The following TACR3 variants were observed in gnomAD, a reference collection of about 807,000 sequenced individuals.
TACR3 encodes the protein neuromedin-K receptor.
TACR3 carries 34 observed loss-of-function variants against 35.0 expected under a neutral mutation model. The ratio of observed to expected loss-of-function variants is 0.97; its 90% CI spans 0.74 to 1.30. The LOEUF is 1.30. Ranked by LOEUF, TACR3 falls within the 50% of genes most tolerant of loss-of-function variation. The pLI is 0.00. For synonymous variants in TACR3, 233 were observed against 221.1 expected, an observed-to-expected ratio of 1.05 and a Z score of -0.48; for missense variants, 558 against 591.7, an observed-to-expected ratio of 0.94 and a Z score of 0.59.
intron 3 of TACR3, among the ~76,000 whole-genome samples, chr4:103,609,108 G>A (rs1578224977): frequency 6.6e-6 from 1 of 152,064 alleles, no homozygotes; most frequent in South Asian, 2.1e-4. Flanking sequence ...AATATGAAGT[G>A]TGTAATAGGG....
chr4:103,707,362 A>G (rs1183348977), intron 1 of TACR3, among the ~76,000 whole-genome samples: 1 of 152,246 alleles, frequency 6.6e-6, no homozygotes, highest in Non-Finnish European at 1.5e-5. Flanking sequence ...TGTCTACTTT[A>G]CAAATTTACT....
At chr4:103,708,735 C>G (rs184589989) in intron 1 of TACR3, among the ~76,000 whole-genome samples, 2 of 152,074 alleles carry the variant, frequency 1.3e-5, no homozygotes, top group African/African-American at 2.4e-5. Flanking sequence ...TTGAACCCAT[C>G]GCAAAGAAGC....
chr4:103,710,095 C>A (rs1349034630), intron 1 of TACR3, among the ~76,000 whole-genome samples: 1 of 152,128 alleles, frequency 6.6e-6, no homozygotes, highest in Non-Finnish European at 1.5e-5. Flanking sequence ...TTAGACAGAT[C>A]AACAAGACAG....
intron 3 of TACR3, among the ~76,000 whole-genome samples, chr4:103,632,310 T>C (rs1725084586): frequency 2.0e-5 from 3 of 151,994 alleles, no homozygotes. Context: ...ATAGGCTGAA[T>C]AAAGAAAATG....
chr4:103,589,586 A>C lies in TACR3; in HGVS notation c.*96T>G. The C allele has an allele frequency of 1.4e-6, 2 of 1,434,462 alleles. No homozygotes were observed. Among genetic ancestry groups the C allele is most frequent in the South Asian group, 1.2e-5 (1 of 85,272 alleles). 88.9% of individuals were successfully genotyped at this position (1,434,462 alleles called of 1,614,324 possible). A position where few individuals can be genotyped will look rare whatever the true frequency, so the allele number is the denominator to read the frequency against. On this transcript the variant is annotated 3_prime_UTR_variant, in exon 5 of 5. Transcript: ENST00000304883. Reference sequence around the variant, plus strand: ...TGCCTAAAAATTGCTTTCTGTTTCTAGAGGGTATATAGGACAGGACTGGTA... The same window carrying C: ...TGCCTAAAAATTGCTTTCTGTTTCTCGAGGGTATATAGGACAGGACTGGTA...
At chr4:103,612,430 C>A (rs979697576) in intron 3 of TACR3, among the ~76,000 whole-genome samples, 15 of 152,134 alleles carry the variant, frequency 9.9e-5, no homozygotes, top group African/African-American at 3.6e-4. Context: ...TTCAGCTTTT[C>A]CAGTGTAATT....
At chr4:103,622,589 C>T (rs562641712) in intron 3 of TACR3, among the ~76,000 whole-genome samples, 2 of 152,120 alleles carry the variant, frequency 1.3e-5, no homozygotes, top group South Asian at 2.1e-4. Flanking sequence ...ATTAGCCAGG[C>T]GTGGCAGCGT....
chr4:103,692,942 C>T (rs1432010510), intron 1 of TACR3, among the ~76,000 whole-genome samples: 1 of 152,166 alleles, frequency 6.6e-6, no homozygotes, highest in Non-Finnish European at 1.5e-5. Context: ...CAGTGGATTA[C>T]TCTCATCCTG....
At chr4:103,653,494 A>T (rs953116238) in intron 3 of TACR3, among the ~76,000 whole-genome samples, 1 of 149,628 alleles carries the variant, frequency 6.7e-6, no homozygotes, top group Non-Finnish European at 1.5e-5. Flanking sequence ...TGAAATGTTT[A>T]AAAAAAAAGC....
chr4:103,594,334 C>T (rs993860742), intron 3 of TACR3, among the ~76,000 whole-genome samples: 7 of 151,958 alleles, frequency 4.6e-5, no homozygotes, highest in African/African-American at 1.7e-4. Flanking sequence ...CGTGCCACCA[C>T]GCCTGGCTAA....
chr4:103,682,628 A>G (rs1001620944), intron 1 of TACR3, among the ~76,000 whole-genome samples: 6 of 152,120 alleles, frequency 3.9e-5, no homozygotes, highest in African/African-American at 1.4e-4. Context: ...ACACAGAGCC[A>G]AACCGTATCA....
intron 3 of TACR3, among the ~76,000 whole-genome samples, chr4:103,606,896 T>C (rs535502801): frequency 1.8e-4 from 27 of 152,306 alleles, no homozygotes; most frequent in Admixed American, 1.3e-3. Flanking sequence ...CCCTGTCTTG[T>C]GCCAGTTTTC....
chr4:103,639,527 C>G (rs1194117312), intron 3 of TACR3, among the ~76,000 whole-genome samples: 1 of 151,848 alleles, frequency 6.6e-6, no homozygotes, highest in Non-Finnish European at 1.5e-5. Context: ...ACCAACATGG[C>G]ACATGTATAC....
intron 3 of TACR3, among the ~76,000 whole-genome samples, chr4:103,650,674 ATAT>A (rs1262765064): frequency 2.2e-3 from 29 of 13,142 alleles, no homozygotes; most frequent in African/African-American, 4.1e-3. Flanking sequence ...AAATAAATAT[ATAT>A]TATATCATAT....
In TACR3 at chr4:103,635,509, A is replaced by C. The variant is rs3796969; in HGVS notation, c.888+20685T>G. Among the ~76,000 whole-genome samples, 61 of 151,864 alleles carry C rather than the reference A, an allele frequency of 4.0e-4. No individual in the cohort carries two copies. The South Asian group carries it at 1.0e-2, about 25-fold the overall frequency. ...ATGAAGGATTCTTCTAAGCCTTCCCATGCTTAATATAAAGTGGGTTGCTTT... is the reference window on the plus strand; with the variant it reads ...ATGAAGGATTCTTCTAAGCCTTCCCCTGCTTAATATAAAGTGGGTTGCTTT... On this transcript the variant is annotated intron_variant, in intron 3 of 4. Transcript: ENST00000304883.
At chr4:103,617,959 T>C (rs777070364) in intron 3 of TACR3, among the ~76,000 whole-genome samples, 25 of 152,116 alleles carry the variant, frequency 1.6e-4, no homozygotes, top group Non-Finnish European at 3.5e-4. Flanking sequence ...ATGATGCTTG[T>C]AGATAGAGAA....
Position 103,586,809 on chromosome 4 carries a change from A to G in TACR3, c.*2873T>C, listed in dbSNP as rs549012753. 3.9e-5 allele frequency: 6 copies of G among 152,170 alleles called. No homozygotes were observed. In the East Asian group the frequency reaches 7.7e-4, roughly 20 times the overall value. The allele number at this position is 152,170 out of a possible 1,614,324, so 9.4% of individuals were successfully genotyped here. A position where few individuals can be genotyped will look rare whatever the true frequency, so the allele number is the denominator to read the frequency against. ...CTGTAACAATTATGTCCGCTTTAAT[A>G]TTTTCCCATACAGGTAATTTCAATA... On this transcript the variant is annotated 3_prime_UTR_variant, in exon 5 of 5. Coordinates refer to ENST00000304883, the MANE Select transcript of TACR3 (RefSeq NM_001059.3).
intron 3 of TACR3, among the ~76,000 whole-genome samples, chr4:103,617,732 GT>G (rs2110301681): frequency 6.6e-6 from 1 of 152,170 alleles, no homozygotes; most frequent in South Asian, 2.1e-4. Context: ...TTGAGTCATG[GT>G]TTAAGAAAAA....
At chr4:103,672,881 G>A (rs1433115893) in intron 1 of TACR3, among the ~76,000 whole-genome samples, 4 of 152,144 alleles carry the variant, frequency 2.6e-5, no homozygotes, top group Non-Finnish European at 5.9e-5. Flanking sequence ...CCTCATCAAT[G>A]ATCTTAACTA....
Sources: allele counts gnomAD v4.1 joint callset (sites outside exome capture counted in the v4.1 genomes callset), GRCh38; gene constraint gnomAD v4.1.1; transcripts MANE v1.5; gene names NCBI Gene and HGNC (gene_info 2026-07-23, HGNC 2026-07-21).